ADGRA3: variants seen among roughly 807,000 people sequenced by gnomAD.
ADGRA3 encodes G-protein coupled receptor 125.
In ADGRA3, 56 loss-of-function variants were observed where a neutral mutation model predicts 119.8. The observed-to-expected ratio is 0.47, with a 90% CI of 0.38 to 0.58. The LOEUF (loss-of-function observed/expected upper bound fraction) is 0.58, where lower values mean the gene tolerates loss of function less well. ADGRA3 is among the 20% of genes least tolerant of loss of function. The pLI is 0.00. For missense variants in ADGRA3, 1,516 were observed against 1,649.0 expected (o/e 0.92, Z 1.40); for synonymous variants, 607 against 623.8 (o/e 0.97, Z 0.40).
intron 1 of ADGRA3, among the ~76,000 whole-genome samples, chr4:22,497,643 G>A (rs10016470): frequency 0.23 from 34,370 of 151,052 alleles, 4,269 homozygotes; most frequent in African/African-American, 0.29. Context: ...CCAACATGGT[G>A]AAACCCTGTC....
At chr4:22,411,982 A>T (rs1715224708) in intron 14 of ADGRA3, among the ~76,000 whole-genome samples, 2 of 152,162 alleles carry the variant, frequency 1.3e-5, no homozygotes, top group Admixed American at 1.3e-4. Context: ...ACAAGAGTCA[A>T]AGAAAATTAT....
chr4:22,418,903 G>A (rs1715537861), intron 12 of ADGRA3, among the ~76,000 whole-genome samples: 1 of 152,088 alleles, frequency 6.6e-6, no homozygotes, highest in South Asian at 2.1e-4. Context: ...AGAGAACTGG[G>A]GCAGCAGCTA....
intron 1 of ADGRA3, among the ~76,000 whole-genome samples, chr4:22,503,652 T>C (rs1408859045): frequency 7.6e-6 from 1 of 131,086 alleles, no homozygotes; most frequent in Admixed American, 7.9e-5. Flanking sequence ...GACACCTCAA[T>C]AGAACTGACA....
intron 1 of ADGRA3, among the ~76,000 whole-genome samples, chr4:22,477,231 T>C (rs567568142): frequency 1.3e-5 from 2 of 152,260 alleles, no homozygotes; most frequent in African/African-American, 4.8e-5. Flanking sequence ...TCACAGGCAC[T>C]AAAAGTAGTG....
intron 14 of ADGRA3, among the ~76,000 whole-genome samples, chr4:22,403,759 A>G (rs13116724): frequency 0.077 from 11,744 of 152,104 alleles, 812 homozygotes; most frequent in East Asian, 0.29. Context: ...AAATAATTTA[A>G]AAAAATAAAT....
chr4:22,490,084 T>C (rs921472249), intron 1 of ADGRA3, among the ~76,000 whole-genome samples: 2 of 152,224 alleles, frequency 1.3e-5, no homozygotes, highest in Non-Finnish European at 2.9e-5. Context: ...TTTTTTCTAT[T>C]TTCAATTCTT....
Position 22,397,710 on chromosome 4 carries a change from T to G in ADGRA3, c.2481+3721A>C, listed in dbSNP as rs549214660. Among the ~76,000 whole-genome samples the G allele has an allele frequency of 6.9e-4, 105 of 152,252 alleles. 1 individual carries two copies. The highest frequency in any genetic ancestry group is 2.5e-3 in the African/African-American group (102 of 41,554). The stretch of plus-strand genomic sequence containing the variant: ...TTCTTGCGAAAGTGAATAACTTTCA[T>G]GAGATCTGATGGTTTTATAAAGGGG... On this transcript the variant is annotated intron_variant, in intron 16 of 18. Coordinates refer to ENST00000334304, the MANE Select transcript of ADGRA3 (RefSeq NM_145290.4).
intron 8 of ADGRA3, 66 bp from the exon 9 acceptor site, chr4:22,436,707 G>A: frequency 7.3e-7 from 1 of 1,374,950 alleles, no homozygotes; most frequent in Non-Finnish European, 1.0e-6. Flanking sequence ...AATAACAACA[G>A]CAGAGAAAAA....
chr4:22,394,784 T>C (rs1161683903), intron 16 of ADGRA3: 1 of 152,196 alleles, frequency 6.6e-6, no homozygotes, highest in Non-Finnish European at 1.5e-5. Context: ...TTCTATGGCA[T>C]TTCTAAATTT....
chr4:22,450,172 G>C (rs1477305079), intron 4 of ADGRA3, among the ~76,000 whole-genome samples: 3 of 151,684 alleles, frequency 2.0e-5, no homozygotes, highest in African/African-American at 7.3e-5. Context: ...AGGGAGTTGA[G>C]AATGACCAGA....
At chr4:22,506,064 G>T (rs1204309815) in intron 1 of ADGRA3, among the ~76,000 whole-genome samples, 1 of 152,160 alleles carries the variant, frequency 6.6e-6, no homozygotes, top group East Asian at 1.9e-4. Context: ...CATACTGTAT[G>T]CAGGAAGGCA....
chr4:22,433,077 G>T (rs747996113), intron 10 of ADGRA3, among the ~76,000 whole-genome samples: 1 of 152,096 alleles, frequency 6.6e-6, no homozygotes, highest in Non-Finnish European at 1.5e-5. Context: ...AATTGCCAAA[G>T]AACTGTATGT....
At position 22,455,674 on chromosome 4, in the gene ADGRA3, C is replaced by A. The variant is rs566778721; in HGVS notation, c.402-737G>T. 1.2e-5 allele frequency: 4 copies of A among 330,872 alleles called. No homozygotes were observed. The South Asian group carries it at 1.6e-4, about 13-fold the overall frequency. The allele number at this position is 330,872 out of a possible 1,614,324, so 20.5% of individuals were successfully genotyped here. A position where few individuals can be genotyped will look rare whatever the true frequency, so the allele number is the denominator to read the frequency against. ...AGTTTTAGTTAATATTTTGTTCTATCCCTCTTTATTTACTTTGCTTGACAT... is the reference window on the plus strand; with the variant it reads ...AGTTTTAGTTAATATTTTGTTCTATACCTCTTTATTTACTTTGCTTGACAT... On this transcript the variant is annotated intron_variant, in intron 3 of 18. Transcript: ENST00000334304.
chr4:22,513,870 A>AAAAAAAAC (rs1560356106), intron 1 of ADGRA3, among the ~76,000 whole-genome samples: 2 of 95,612 alleles, frequency 2.1e-5, no homozygotes, highest in African/African-American at 7.8e-5. Context: ...AAAAAAAAAA[A>AAAAAAAAC]AAAACTGGAT....
At chr4:22,448,948 A>T (rs1716926072) in intron 4 of ADGRA3, among the ~76,000 whole-genome samples, 1 of 152,156 alleles carries the variant, frequency 6.6e-6, no homozygotes, top group African/African-American at 2.4e-5. Context: ...TATACATCAC[A>T]ATAACATTTT....
At position 22,435,369 on chromosome 4, in the gene ADGRA3, A is replaced by C; in HGVS notation, c.1385T>G (p.Phe462Cys). 6.2e-7 allele frequency: 1 copy of C among 1,613,580 alleles called. No homozygotes were observed. Among genetic ancestry groups the C allele is most frequent in the Non-Finnish European group, 8.5e-7 (1 of 1,179,612 alleles). ...ANFSDKMDVIFVAEMIEKFGR... is the reference protein window; with the variant it reads ...ANFSDKMDVICVAEMIEKFGR... The stretch of plus-strand genomic sequence containing the variant: ...AAATTTTTCAATCATTTCTGCCACA[A>C]ATATAACATCCATTTTGTCAGAAAA... The change falls in exon 10 of 19, where the codon TTT (phenylalanine) becomes TGT (cysteine). Residue 462 changes from phenylalanine to cysteine, a missense_variant. Coordinates refer to ENST00000334304, the MANE Select transcript of ADGRA3 (RefSeq NM_145290.4).
intron 2 of ADGRA3, among the ~76,000 whole-genome samples, chr4:22,472,827 G>A (rs142803338): frequency 1.2e-4 from 19 of 152,210 alleles, no homozygotes; most frequent in African/African-American, 4.3e-4. Flanking sequence ...CCACAGAAAC[G>A]GAGACATCTT....
intron 12 of ADGRA3, among the ~76,000 whole-genome samples, chr4:22,415,877 A>G (rs1386092346): frequency 6.6e-6 from 1 of 152,180 alleles, no homozygotes; most frequent in African/African-American, 2.4e-5. Flanking sequence ...GTATGGACAT[A>G]TTACTGGGTA....
intron 3 of ADGRA3, among the ~76,000 whole-genome samples, chr4:22,460,041 T>C (rs1483069264): frequency 1.3e-5 from 2 of 152,216 alleles, no homozygotes; most frequent in East Asian, 3.9e-4. Flanking sequence ...TCCCAAGAGA[T>C]ACATTCTTGC....
Sources: allele counts gnomAD v4.1 joint callset (sites outside exome capture counted in the v4.1 genomes callset), GRCh38; gene constraint gnomAD v4.1.1; transcripts MANE v1.5; gene names NCBI Gene and HGNC (gene_info 2026-07-23, HGNC 2026-07-21).